The following COL4A1 variants were observed in gnomAD, a reference collection of about 807,000 sequenced individuals.
The protein encoded by COL4A1 is collagen alpha-1(IV) chain.
A neutral mutation model predicts 216.6 loss-of-function variants in COL4A1; 40 were observed. The ratio of observed to expected loss-of-function variants is 0.18; its 90% CI spans 0.14 to 0.24. COL4A1 has a LOEUF of 0.24. COL4A1 is among the 10% of genes least tolerant of loss of function. The pLI, the probability that COL4A1 is intolerant of heterozygous loss-of-function variation, is 1.00. For synonymous variants in COL4A1, 839 were observed against 810.7 expected (o/e 1.03, Z -0.59); for missense variants, 1,628 against 2,196.8 (o/e 0.74, Z 5.18).
chr13:110,257,682 C>A (rs184843584), intron 1 of COL4A1, among the ~76,000 whole-genome samples: 406 of 152,314 alleles, frequency 2.7e-3, no homozygotes, highest in Admixed American at 7.1e-3. Context: ...CCTTTCCAAA[C>A]CACACTTCCC....
chr13:110,172,794 A>G (rs1309585268), intron 40 of COL4A1, 24 bp from the exon 41 acceptor site: 5 of 1,608,622 alleles, frequency 3.1e-6, no homozygotes, highest in East Asian at 2.2e-5. Context: ...GTAAAATGCC[A>G]CGTTTCTCTT....
At chr13:110,271,447 AC>A (rs1310583599) in intron 1 of COL4A1, among the ~76,000 whole-genome samples, 1 of 152,220 alleles carries the variant, frequency 6.6e-6, no homozygotes. Flanking sequence ...AACTGGCATC[AC>A]ACACCTCCCA....
At chr13:110,210,330 T>A in intron 8 of COL4A1, 118 bp from the exon 9 acceptor site, 1 of 932,242 alleles carries the variant, frequency 1.1e-6, no homozygotes, top group South Asian at 1.4e-5. Flanking sequence ...AGTCTGGGAT[T>A]TAGACCCCGT....
At chr13:110,234,259 T>A (rs1275005360) in intron 2 of COL4A1, among the ~76,000 whole-genome samples, 4 of 152,142 alleles carry the variant, frequency 2.6e-5, no homozygotes, top group African/African-American at 7.2e-5. Context: ...ATCCACTCTT[T>A]CACAAAGGCC....
chr13:110,206,981 A>G, intron 13 of COL4A1, 90 bp from the exon 14 acceptor site: 1 of 1,240,384 alleles, frequency 8.1e-7, no homozygotes, highest in Non-Finnish European at 1.2e-6. Flanking sequence ...AAAAAAAAAA[A>G]CCTTTTTCTG....
chr13:110,212,364 T>C, intron 6 of COL4A1, 53 bp downstream of exon 6: 2 of 1,605,980 alleles, frequency 1.2e-6, no homozygotes, highest in Admixed American at 1.7e-5. Flanking sequence ...CTCCTTAATA[T>C]GCAAAAATTA....
intron 2 of COL4A1, among the ~76,000 whole-genome samples, chr13:110,219,967 CAT>C (rs71127921): frequency 9.7e-4 from 130 of 134,132 alleles, no homozygotes; most frequent in African/African-American, 3.3e-3. Flanking sequence ...CATACATATA[CAT>C]ATATATATAT....
rs184691358 is a variant in COL4A1 at position 110,180,308 on chromosome 13, C to G, written c.2194-887G>C. Among the ~76,000 whole-genome samples the G allele has an allele frequency of 3.3e-5, 5 of 152,210 alleles. No homozygotes were observed. In the East Asian group the frequency reaches 7.7e-4, roughly 23 times the overall value. On this transcript the variant is annotated intron_variant, in intron 29 of 51. Coordinates refer to ENST00000375820, the MANE Select transcript of COL4A1 (RefSeq NM_001845.6). ...CGGTTGACTAAATGTTCAAATGCAA[C>G]GTAGGTTATCAGGGGAAGCTGGTGG...
Position 110,197,440 on chromosome 13 carries a change from C to G in COL4A1, c.1285+1027G>C, listed in dbSNP as rs115788028. Among the ~76,000 whole-genome samples the G allele has an allele frequency of 7.9e-3, 1,199 of 152,272 alleles. 14 individuals are homozygous for G. Among genetic ancestry groups the G allele is most frequent in the African/African-American group, 0.028 (1,143 of 41,538 alleles). On this transcript the variant is annotated intron_variant, in intron 21 of 51. Coordinates refer to ENST00000375820, the MANE Select transcript of COL4A1 (RefSeq NM_001845.6). ...ATCTGGAACCCAAAGGCCCCTTGGT[C>G]AGAGCTCACAACCTTCTCTCAGACA... is the stretch of plus-strand genomic sequence containing the variant.
intron 1 of COL4A1, among the ~76,000 whole-genome samples, chr13:110,243,385 T>C (rs1395007685): frequency 1.3e-5 from 2 of 152,140 alleles, no homozygotes; most frequent in East Asian, 1.9e-4. Context: ...TGGCGTGATC[T>C]TGGCACACTG....
At position 110,295,246 on chromosome 13, in the gene COL4A1, T is replaced by TTTTC. The variant is rs1454068772; in HGVS notation, c.84+11694_84+11697dup. On this transcript the variant is annotated intron_variant, in intron 1 of 51. Coordinates refer to ENST00000375820, the MANE Select transcript of COL4A1 (RefSeq NM_001845.6). ...TCTCTTAGGCTCTCACACTACATGGTTTTCTTTCTTTCTTTTTTTTTTTTT... is the reference window on the plus strand; with the variant it reads ...TCTCTTAGGCTCTCACACTACATGGTTTTCTTTCTTTCTTTCTTTTTTTTTTTTT... Among the ~76,000 whole-genome samples the TTTTC allele has an allele frequency of 4.0e-5, 6 of 148,820 alleles. No homozygotes were observed. The East Asian group carries it at 1.2e-3, about 29-fold the overall frequency.
At chr13:110,198,434 A>G in intron 21 of COL4A1, 33 bp downstream of exon 21, 1 of 1,612,254 alleles carries the variant, frequency 6.2e-7, no homozygotes, top group Non-Finnish European at 8.5e-7. Flanking sequence ...GTCTGCTTGC[A>G]CCCCACATTA....
chr13:110,192,596 C>A (rs149001147), intron 23 of COL4A1, among the ~76,000 whole-genome samples: 40 of 152,242 alleles, frequency 2.6e-4, no homozygotes, highest in Non-Finnish European at 5.1e-4. Context: ...GAATCTGTGG[C>A]ATGGAGGGAA....
intron 4 of COL4A1, 21 bp downstream of exon 4, chr13:110,213,761 G>T (rs779706038): frequency 6.8e-6 from 11 of 1,613,142 alleles, no homozygotes; most frequent in Admixed American, 3.3e-5. Context: ...ATCATCGATT[G>T]TGAGTAGCAA....
chr13:110,167,005 C>T (rs533256264), intron 44 of COL4A1, among the ~76,000 whole-genome samples, 153 bp downstream of exon 44: 18 of 152,322 alleles, frequency 1.2e-4, no homozygotes, highest in African/African-American at 4.1e-4. Context: ...AATTGGGCTG[C>T]CACACAGAAA....
At chr13:110,279,536 C>CTAT (rs568777458) in intron 1 of COL4A1, among the ~76,000 whole-genome samples, 85 of 152,146 alleles carry the variant, frequency 5.6e-4, no homozygotes, top group African/African-American at 1.9e-3. Context: ...CACATTCAAT[C>CTAT]TATTCTTTTG....
intron 22 of COL4A1, among the ~76,000 whole-genome samples, chr13:110,193,829 A>G (rs1878755653): frequency 6.6e-6 from 1 of 152,212 alleles, no homozygotes; most frequent in South Asian, 2.1e-4. Flanking sequence ...CATCAGTGGA[A>G]GGGGCACGGT....
chr13:110,213,629 C>G (rs1312128452), intron 4 of COL4A1, among the ~76,000 whole-genome samples, 153 bp downstream of exon 4: 3 of 152,192 alleles, frequency 2.0e-5, no homozygotes, highest in Non-Finnish European at 4.4e-5. Context: ...CTGCTCCTCA[C>G]TGCCTGCCTC....
At chr13:110,206,971 A>G (rs78339187) in intron 13 of COL4A1, 80 bp from the exon 14 acceptor site, 1 of 1,241,518 alleles carries the variant, frequency 8.1e-7, no homozygotes, top group Non-Finnish European at 1.1e-6. Context: ...ACACAGCAGA[A>G]AAAAAAAAAA....
Sources: gnomAD v4.1 joint callset for allele counts (sites outside exome capture counted in the v4.1 genomes callset) on GRCh38, gnomAD v4.1.1 for gene constraint, MANE v1.5 for transcripts, NCBI Gene and HGNC (gene_info 2026-07-23, HGNC 2026-07-21) for gene names.